The following LIAT1 variants were observed in gnomAD, a reference collection of about 807,000 sequenced individuals.
The protein encoded by LIAT1 is protein LIAT1.
chr17:411,538 AAAAC>A, the LIAT1 span, among the ~76,000 whole-genome samples: 10 of 152,292 alleles, frequency 6.6e-5, no homozygotes, highest in South Asian at 4.1e-4. Context: ...GTCTCTCAAA[AAAAC>A]AAACAAGAAA....
the LIAT1 span, chr17:413,641 C>G: frequency 6.4e-7 from 1 of 1,564,366 alleles, no homozygotes; most frequent in Non-Finnish European, 8.7e-7. Flanking sequence ...AGGGCTTCCA[C>G]CCCGACCCTG....
At chr17:414,401 A>C in the LIAT1 span, 5 of 376,338 alleles carry the variant, frequency 1.3e-5, no homozygotes, top group East Asian at 5.2e-5. This position sits in a 1 kb window ranked among gnomAD's most constrained non-coding sequence, Gnocchi z 4.1. Context: ...GATGTCTATA[A>C]TCTGCCCCAA....
At chr17:413,069 T>C in the LIAT1 span, 1 of 1,532,424 alleles carries the variant, frequency 6.5e-7, no homozygotes, top group Non-Finnish European at 8.8e-7. Context: ...CTCTTCCATC[T>C]TGGGTGATTT....
chr17:411,289 A>AT, the LIAT1 span, among the ~76,000 whole-genome samples: 1 of 152,116 alleles, frequency 6.6e-6, no homozygotes, highest in Admixed American at 6.6e-5. Context: ...TCCCCGCTTC[A>AT]TATCAGTGTA....
At chr17:410,682 G>A in the LIAT1 span, 6,995 of 1,528,862 alleles carry the variant, frequency 4.6e-3, 27 homozygotes, top group Non-Finnish European at 5.4e-3. Context: ...CGTCAGCTCC[G>A]GTTCCCTGGA....
the LIAT1 span, chr17:413,040 C>T: frequency 6.7e-6 from 9 of 1,347,920 alleles, no homozygotes; most frequent in Admixed American, 1.1e-4. Context: ...GCCCTGGGTA[C>T]GGAGGGGCCC....
chr17:413,889 C>T, the LIAT1 span: 2 of 1,612,082 alleles, frequency 1.2e-6, no homozygotes, highest in East Asian at 2.2e-5. Context: ...CACCCCGACC[C>T]CGAGGCCCTC....
chr17:410,683 G>T, the LIAT1 span: 3 of 1,526,156 alleles, frequency 2.0e-6, no homozygotes, highest in Non-Finnish European at 2.6e-6. Flanking sequence ...GTCAGCTCCG[G>T]TTCCCTGGAG....
chr17:410,577 G>A, the LIAT1 span: 8 of 1,546,442 alleles, frequency 5.2e-6, no homozygotes, highest in African/African-American at 2.7e-5. Context: ...CGGCGCCTCC[G>A]AGCTGGCCAA....
chr17:412,494 T>C, the LIAT1 span, among the ~76,000 whole-genome samples: 1 of 151,724 alleles, frequency 6.6e-6, no homozygotes, highest in Admixed American at 6.6e-5. Context: ...TCCCCTAAAA[T>C]AAAAGGACGA....
chr17:411,688 A>G, the LIAT1 span, among the ~76,000 whole-genome samples: 1 of 152,072 alleles, frequency 6.6e-6, no homozygotes, highest in African/African-American at 2.4e-5. Context: ...TCACAAACAC[A>G]CATACCCTAC....
At chr17:410,751 T>G in the LIAT1 span, 1 of 1,114,426 alleles carries the variant, frequency 9.0e-7, no homozygotes, top group Non-Finnish European at 1.3e-6. Flanking sequence ...AGCTCAGTGG[T>G]CCCGGACCGA....
the LIAT1 span, among the ~76,000 whole-genome samples, chr17:412,310 A>G: frequency 1.3e-5 from 2 of 152,190 alleles, no homozygotes; most frequent in African/African-American, 4.8e-5. Context: ...TCAAAAAAAA[A>G]AAAAGCCCTG....
chr17:412,643 A>C, the LIAT1 span, among the ~76,000 whole-genome samples: 1 of 152,018 alleles, frequency 6.6e-6, no homozygotes, highest in Non-Finnish European at 1.5e-5. Context: ...GCTTTCAGTC[A>C]AATTTAGGAA....
At chr17:410,711 C>G in the LIAT1 span, 1 of 1,417,486 alleles carries the variant, frequency 7.1e-7, no homozygotes, top group Non-Finnish European at 9.6e-7. Context: ...GGGGACCCAC[C>G]CCCCATTTAC....
the LIAT1 span, chr17:410,471 G>A: frequency 1.1e-4 from 163 of 1,542,168 alleles, no homozygotes; most frequent in Non-Finnish European, 1.4e-4. Flanking sequence ...GCGGTGGGGC[G>A]GGGACAATGG....
At chr17:412,870 G>A in the LIAT1 span, among the ~76,000 whole-genome samples, 4 of 152,238 alleles carry the variant, frequency 2.6e-5, no homozygotes, top group African/African-American at 9.6e-5. Flanking sequence ...TGAACCTTTT[G>A]GAGCTTCGGT....
At chr17:411,039 G>C in the LIAT1 span, among the ~76,000 whole-genome samples, 2 of 152,158 alleles carry the variant, frequency 1.3e-5, no homozygotes, top group Non-Finnish European at 2.9e-5. Flanking sequence ...CCACATGAAA[G>C]GCCCTCACTC....
chr17:413,162 C>T, the LIAT1 span: 6 of 1,613,948 alleles, frequency 3.7e-6, no homozygotes, highest in Non-Finnish European at 5.1e-6. Context: ...ACATCAGAGT[C>T]AGAGCCTGAA....
Sources: gnomAD v4.1 joint callset for allele counts (sites outside exome capture counted in the v4.1 genomes callset) on GRCh38, gnomAD v4.1.1 for gene constraint, Gnocchi (gnomAD v3.1) non-coding constraint, MANE v1.5 for transcripts, NCBI Gene and HGNC (gene_info 2026-07-23, HGNC 2026-07-21) for gene names.